The following CAPZA2 variants were observed in gnomAD, a reference collection of about 807,000 sequenced individuals.
CAPZA2 encodes capping actin protein of muscle Z-line subunit alpha 2, also known as F-actin-capping protein subunit alpha-2.
CAPZA2 carries 13 observed loss-of-function variants against 44.0 expected under a neutral mutation model. That is an observed-to-expected ratio of 0.30 (90% CI 0.19 to 0.47). The LOEUF (loss-of-function observed/expected upper bound fraction) is 0.47, where lower values mean the gene tolerates loss of function less well. Among genes scored for constraint, CAPZA2 ranks in the 20% least tolerant of loss-of-function variants. CAPZA2 has a pLI of 1.00. For synonymous variants in CAPZA2, 94 were observed against 108.2 expected, an observed-to-expected ratio of 0.87 and a Z score of 0.81; for missense variants, 244 against 338.6, an observed-to-expected ratio of 0.72 and a Z score of 2.19.
At chr7:116,916,976 C>CCTGA (rs1324850071) in intron 9 of CAPZA2, among the ~76,000 whole-genome samples, 1 of 152,082 alleles carries the variant, frequency 6.6e-6, no homozygotes, top group Non-Finnish European at 1.5e-5. Flanking sequence ...TGTGTCTTAG[C>CCTGA]ATTTGGATTA....
chr7:116,884,925 T>C (rs1796743392), intron 1 of CAPZA2, among the ~76,000 whole-genome samples: 1 of 152,182 alleles, frequency 6.6e-6, no homozygotes, highest in Admixed American at 6.5e-5. Context: ...ATGTCCTTTT[T>C]ATTTTAGCCA....
At chr7:116,899,286 A>T (rs1445870323) in intron 4 of CAPZA2, among the ~76,000 whole-genome samples, 1 of 151,924 alleles carries the variant, frequency 6.6e-6, no homozygotes, top group Non-Finnish European at 1.5e-5. Flanking sequence ...ACAAAAGGTC[A>T]CTAGCATTTT....
At chr7:116,905,942 G>A (rs1025554411) in intron 5 of CAPZA2, among the ~76,000 whole-genome samples, 6 of 152,236 alleles carry the variant, frequency 3.9e-5, no homozygotes, top group South Asian at 2.1e-4. Flanking sequence ...GAAAAAGCTA[G>A]ATTAGCATCT....
At chr7:116,868,825 A>G (rs1294072082) in intron 1 of CAPZA2, among the ~76,000 whole-genome samples, 3 of 152,228 alleles carry the variant, frequency 2.0e-5, no homozygotes, top group African/African-American at 7.2e-5. Context: ...ATTCTATTCT[A>G]TAGATAAATT....
intron 1 of CAPZA2, 109 bp downstream of exon 1, chr7:116,862,759 G>A: frequency 8.4e-7 from 1 of 1,183,818 alleles, no homozygotes; most frequent in South Asian, 1.5e-5. Flanking sequence ...AGCTGGCCTT[G>A]CCCTCGGCTG....
chr7:116,865,105 T>C (rs1796466223), intron 1 of CAPZA2, among the ~76,000 whole-genome samples: 1 of 151,364 alleles, frequency 6.6e-6, no homozygotes, highest in Admixed American at 6.6e-5. Flanking sequence ...CCAAGGACGG[T>C]CAAGATGAAG....
At chr7:116,862,732 G>C in intron 1 of CAPZA2, 82 bp downstream of exon 1, 4 of 1,429,888 alleles carry the variant, frequency 2.8e-6, no homozygotes, top group Non-Finnish European at 3.8e-6. Context: ...GGTCGCGGGG[G>C]AAGGGCATTG....
chr7:116,876,103 A>G (rs2115885215), intron 1 of CAPZA2, among the ~76,000 whole-genome samples: 1 of 152,208 alleles, frequency 6.6e-6, no homozygotes, highest in Admixed American at 6.5e-5. Context: ...TACAAAAATT[A>G]GCCTGGTGTG....
intron 1 of CAPZA2, chr7:116,873,443 T>G (rs1017221999): frequency 6.6e-6 from 1 of 152,260 alleles, no homozygotes; most frequent in South Asian, 2.1e-4. Flanking sequence ...TTTTTGTTAG[T>G]TTACCATTTT....
At chr7:116,914,734 G>C (rs1449810331) in intron 8 of CAPZA2, among the ~76,000 whole-genome samples, 2 of 152,188 alleles carry the variant, frequency 1.3e-5, no homozygotes, top group Non-Finnish European at 2.9e-5. Flanking sequence ...TGGGATTACA[G>C]GCATGGGCCA....
intron 8 of CAPZA2, chr7:116,915,510 CT>C (rs1791668584): frequency 6.6e-6 from 1 of 151,974 alleles, no homozygotes; most frequent in South Asian, 2.1e-4. Context: ...GTGTTAGAGA[CT>C]TTTACATTAA....
chr7:116,886,403 T>C (rs1469922518), intron 1 of CAPZA2, among the ~76,000 whole-genome samples: 1 of 152,234 alleles, frequency 6.6e-6, no homozygotes, highest in African/African-American at 2.4e-5. Context: ...ATCTTCATTC[T>C]AGCCATCTAT....
At chr7:116,882,951 A>G (rs1388323556) in intron 1 of CAPZA2, among the ~76,000 whole-genome samples, 1 of 152,220 alleles carries the variant, frequency 6.6e-6, no homozygotes, top group Non-Finnish European at 1.5e-5. Context: ...ACTGGTCCCC[A>G]ACAAAACCAT....
At chr7:116,893,852 C>A (rs756902728) in intron 3 of CAPZA2, among the ~76,000 whole-genome samples, 5 of 152,120 alleles carry the variant, frequency 3.3e-5, no homozygotes, top group Non-Finnish European at 7.4e-5. Flanking sequence ...GCACCAGTGA[C>A]CCCAGCCATG....
chr7:116,885,716 G>T (rs1197293865), intron 1 of CAPZA2, among the ~76,000 whole-genome samples: 2 of 152,154 alleles, frequency 1.3e-5, no homozygotes, highest in African/African-American at 4.8e-5. Flanking sequence ...AAAGGATACA[G>T]ATGAAGAGAT....
rs996784888 is a variant in CAPZA2 at position 116,918,113 on chromosome 7, G to C, written c.*246G>C. On this transcript the variant is annotated 3_prime_UTR_variant, in exon 10 of 10. Coordinates refer to ENST00000361183, the MANE Select transcript of CAPZA2 (RefSeq NM_006136.3). ...CTGTTAGGCCTTTCTTTCTTACAAT[G>C]AAGAGATGATTCTTCTAGTTTATGG... is the stretch of plus-strand genomic sequence containing the variant. The C allele has an allele frequency of 5.9e-6, 2 of 340,812 alleles. No homozygotes were observed. The highest frequency in any genetic ancestry group is 1.1e-5 in the Non-Finnish European group (2 of 184,294). 21.1% of individuals were successfully genotyped at this position (340,812 alleles called of 1,614,324 possible).
At chr7:116,894,659 T>G (rs532977935) in intron 3 of CAPZA2, among the ~76,000 whole-genome samples, 1 of 152,320 alleles carries the variant, frequency 6.6e-6, no homozygotes, top group Non-Finnish European at 1.5e-5. Context: ...TTTTCATCTT[T>G]TTAAGCTGAT....
intron 3 of CAPZA2, among the ~76,000 whole-genome samples, chr7:116,893,795 A>G (rs1216132234): frequency 6.6e-6 from 1 of 152,176 alleles, no homozygotes; most frequent in African/African-American, 2.4e-5. Flanking sequence ...TGAATTTTTG[A>G]GTGATTTAAA....
At chr7:116,879,171 C>A (rs1796658585) in intron 1 of CAPZA2, among the ~76,000 whole-genome samples, 1 of 147,208 alleles carries the variant, frequency 6.8e-6, no homozygotes, top group Admixed American at 6.8e-5. Context: ...TGGGACTATG[C>A]TAATGCAGGC....
Sources: allele counts gnomAD v4.1 joint callset (sites outside exome capture counted in the v4.1 genomes callset), GRCh38; gene constraint gnomAD v4.1.1; transcripts MANE v1.5; gene names NCBI Gene and HGNC (gene_info 2026-07-23, HGNC 2026-07-21).